Variants in STK32C observed in about 807,000 individuals in gnomAD.
The protein encoded by STK32C is serine/threonine-protein kinase 32C.
A neutral mutation model predicts 56.5 loss-of-function variants in STK32C; 31 were observed. That is an observed-to-expected ratio of 0.55 (90% CI 0.41 to 0.74). The LOEUF (loss-of-function observed/expected upper bound fraction) is 0.74, where lower values mean the gene tolerates loss of function less well. Among genes scored for constraint, STK32C ranks in the 30% least tolerant of loss-of-function variants. The probability of loss-of-function intolerance (pLI) is 0.00; values close to 1 mark genes in which losing one functional copy is unlikely to be tolerated. For synonymous variants in STK32C, 309 were observed against 289.4 expected, an observed-to-expected ratio of 1.07 and a Z score of -0.69; for missense variants, 544 against 676.9, an observed-to-expected ratio of 0.80 and a Z score of 2.18.
chr10:132,255,899 C>G lies in STK32C; in HGVS notation c.263-9944G>C, dbSNP rs2064103659. Among the ~76,000 whole-genome samples the G allele has an allele frequency of 6.6e-6, 1 of 152,234 alleles. No individual in the cohort carries two copies. Among genetic ancestry groups the G allele is most frequent in the Admixed American group, 6.5e-5 (1 of 15,286 alleles). ...TCTCCTTCTCCACCGTCCCCTCACC[C>G]AGGGGCAGACCCCCATGACCAGCAG... On this transcript the variant is annotated intron_variant, in intron 1 of 11. Transcript: ENST00000298630. The surrounding 1 kb of genome is among the most constrained non-coding windows in gnomAD (Gnocchi z 4.6).
chr10:132,246,835 C>A (rs1189423924), intron 1 of STK32C, among the ~76,000 whole-genome samples: 2 of 152,170 alleles, frequency 1.3e-5, no homozygotes, highest in East Asian at 1.9e-4. Flanking sequence ...CCCAGGCCAG[C>A]AGCTGCCTCC....
intron 1 of STK32C, among the ~76,000 whole-genome samples, chr10:132,269,974 C>A (rs1315611741): frequency 6.6e-6 from 1 of 152,258 alleles, no homozygotes; most frequent in Non-Finnish European, 1.5e-5. Flanking sequence ...GACCTGAGCC[C>A]TCCCCTGACT....
chr10:132,300,796 A>T (rs1479028505), intron 1 of STK32C, among the ~76,000 whole-genome samples: 1 of 152,210 alleles, frequency 6.6e-6, no homozygotes, highest in Non-Finnish European at 1.5e-5. Context: ...GAGCCGAACA[A>T]GGCGGCATCC....
At chr10:132,236,055 TG>T (rs541385943) in intron 2 of STK32C, among the ~76,000 whole-genome samples, 1 of 152,090 alleles carries the variant, frequency 6.6e-6, no homozygotes, top group African/African-American at 2.4e-5. Context: ...CGGGTGCTTG[TG>T]GGGGGTCACA....
At chr10:132,246,424 G>T (rs890721985) in intron 1 of STK32C, among the ~76,000 whole-genome samples, 2 of 152,220 alleles carry the variant, frequency 1.3e-5, no homozygotes, top group African/African-American at 4.8e-5. Flanking sequence ...GAGGACAGGG[G>T]TGTCAGCCCT....
At chr10:132,282,908 G>T (rs1234205167) in intron 1 of STK32C, among the ~76,000 whole-genome samples, 1 of 152,222 alleles carries the variant, frequency 6.6e-6, no homozygotes, top group Non-Finnish European at 1.5e-5. Context: ...GAGGCGGTGG[G>T]GGGTGTTGTC....
chr10:132,234,325 C>T (rs760468799), intron 2 of STK32C, among the ~76,000 whole-genome samples: 3 of 152,326 alleles, frequency 2.0e-5, no homozygotes, highest in East Asian at 3.9e-4. Flanking sequence ...GATGCATCCC[C>T]GAGTTCTGGG....
chr10:132,319,859 T>A (rs770844795), downstream of STK32C, among the ~76,000 whole-genome samples: 7 of 152,050 alleles, frequency 4.6e-5, no homozygotes, highest in Non-Finnish European at 8.8e-5. Context: ...ATAATTTACA[T>A]AATATAAAAC....
In STK32C at chr10:132,208,030, G is replaced by A. The variant is rs1281955914; in HGVS notation, c.1441C>T (p.Pro481Ser). Residue 481 changes from proline (P) to serine (S), a missense_variant, in exon 12 of 12, where the codon CCC becomes TCC. Pro to Ser is a moderately conservative substitution (Grantham distance 74). This residue lies in a region of STK32C where 277 missense variants were observed against 309.3 expected (regional missense o/e 0.90). Transcript: ENST00000298630. ...CCGGCCTAGCCGCTCCCGGCCGAGG[G>A]GCAAATGGGGCCGCACATGGGCAGG... ...SALPMCGPIC[P>S]SAGSG 2.3e-6 allele frequency: 3 copies of A among 1,310,436 alleles called. No individual in the cohort carries two copies. Among genetic ancestry groups the A allele is most frequent in the Non-Finnish European group, 9.8e-7 (1 of 1,022,244 alleles). 81.2% of individuals were successfully genotyped at this position (1,310,436 alleles called of 1,614,324 possible). A position where few individuals can be genotyped will look rare whatever the true frequency, so the allele number is the denominator to read the frequency against.
chr10:132,227,430 GTGGTGACGGTGA>G (rs1008614734), intron 3 of STK32C, among the ~76,000 whole-genome samples: 1 of 152,190 alleles, frequency 6.6e-6, no homozygotes, highest in African/African-American at 2.4e-5. Flanking sequence ...GATGGTGGTG[GTGGTGACGGTGA>G]TGGTGAGGAT....
chr10:132,259,755 C>T (rs890084061), intron 1 of STK32C, among the ~76,000 whole-genome samples: 4 of 152,192 alleles, frequency 2.6e-5, no homozygotes, highest in African/African-American at 7.2e-5. Flanking sequence ...TCTAGCAATG[C>T]GAAAACGGAC....
At chr10:132,305,870 G>A (rs932660309) in intron 1 of STK32C, among the ~76,000 whole-genome samples, 10 of 152,150 alleles carry the variant, frequency 6.6e-5, no homozygotes, top group African/African-American at 2.2e-4. Context: ...GCTGAGTCCC[G>A]GCGGGTGCTC....
intron 1 of STK32C, among the ~76,000 whole-genome samples, chr10:132,251,607 C>A (rs1010209996): frequency 1.3e-4 from 20 of 152,264 alleles, no homozygotes; most frequent in Admixed American, 5.9e-4. Context: ...TGGGTGCCCA[C>A]CTCAGATCGA....
chr10:132,227,827 T>A lies in STK32C; in HGVS notation c.470+150A>T, dbSNP rs530447185. 14 of 1,008,452 alleles carry A rather than the reference T, an allele frequency of 1.4e-5. No individual in the cohort carries two copies. In the South Asian group the frequency reaches 1.7e-4, roughly 12 times the overall value. 62.5% of individuals were successfully genotyped at this position (1,008,452 alleles called of 1,614,324 possible). On this transcript the variant is annotated intron_variant, in intron 3 of 11. Transcript: ENST00000298630. The stretch of plus-strand genomic sequence containing the variant: ...CAGGCCTGGGGCACAGGAAGGGGGA[T>A]AGATGAGGAGGGCTAGAGAGGGCCT...
intron 2 of STK32C, among the ~76,000 whole-genome samples, chr10:132,234,663 G>A (rs1051611456): frequency 5.3e-5 from 8 of 152,176 alleles, no homozygotes; most frequent in African/African-American, 1.9e-4. Context: ...GTGGGATGCC[G>A]GGGCAGGTGT....
chr10:132,268,402 TCAGTGTGTGTGC>T (rs1485357893), intron 1 of STK32C, among the ~76,000 whole-genome samples: 2 of 148,136 alleles, frequency 1.4e-5, no homozygotes, highest in Non-Finnish European at 3.0e-5. Context: ...CGTGTGTGTG[TCAGTGTGTGTGC>T]ATGCATGTGT....
At chr10:132,243,716 C>T (rs2063586440) in intron 2 of STK32C, among the ~76,000 whole-genome samples, 2 of 152,180 alleles carry the variant, frequency 1.3e-5, no homozygotes, top group African/African-American at 2.4e-5. Flanking sequence ...TTTCCGAGAG[C>T]GGCGGCCCCG....
rs1417387693 is a variant in STK32C, at chr10:132,245,919, C to T, written c.299G>A (p.Gly100Glu). The change falls in exon 2 of 12, where the codon GGG becomes GAG. Residue 100 changes from glycine (G) to glutamate (E), a missense_variant. Gly to Glu is a moderately conservative substitution (Grantham distance 98). This residue lies in a region of STK32C where 182 missense variants were observed against 217.7 expected (regional missense o/e 0.84). Coordinates refer to ENST00000298630, the MANE Select transcript of STK32C (RefSeq NM_173575.4). Reference sequence around the variant, plus strand: ...CCTTACCTTGCCAAAGCTGCCCTTCCCAATGGCCCGAAGGATCTGGAAGTG... The same window carrying T: ...CCTTACCTTGCCAAAGCTGCCCTTCTCAATGGCCCGAAGGATCTGGAAGTG... ...FDHFQILRAI[G>E]KGSFGKVCIV... 1.2e-6 allele frequency: 2 copies of T among 1,613,524 alleles called. No individual in the cohort carries two copies. The highest frequency in any genetic ancestry group is 1.7e-6 in the Non-Finnish European group (2 of 1,180,024).
intron 1 of STK32C, 124 bp from the exon 2 acceptor site, chr10:132,246,079 G>A (rs762539128): frequency 3.6e-5 from 35 of 974,226 alleles, no homozygotes; most frequent in South Asian, 6.8e-5. Context: ...GAAGAGGGTC[G>A]CCGTGGGGCG....
Sources: allele counts gnomAD v4.1 joint callset (sites outside exome capture counted in the v4.1 genomes callset), GRCh38; gene constraint gnomAD v4.1.1; regional missense constraint gnomAD v4.1.1; non-coding constraint Gnocchi (gnomAD v3.1); transcripts MANE v1.5; gene names NCBI Gene and HGNC (gene_info 2026-07-23, HGNC 2026-07-21).